SHANK2: variants seen among roughly 807,000 people sequenced by gnomAD.
SHANK2 encodes the protein SH3 and multiple ankyrin repeat domains 2.
SHANK2 carries 43 observed loss-of-function variants against 133.7 expected under a neutral mutation model. The observed-to-expected ratio is 0.32, with a 90% CI of 0.25 to 0.41. The LOEUF (loss-of-function observed/expected upper bound fraction) is 0.41, where lower values mean the gene tolerates loss of function less well. Among genes scored for constraint, SHANK2 ranks in the 10% least tolerant of loss-of-function variants. The probability of loss-of-function intolerance (pLI) is 1.00; values close to 1 mark genes in which losing one functional copy is unlikely to be tolerated. For synonymous variants in SHANK2, 1,017 were observed against 952.8 expected, an observed-to-expected ratio of 1.07 and a Z score of -1.24; for missense variants, 1,994 against 2,235.8, an observed-to-expected ratio of 0.89 and a Z score of 2.18.
chr11:70,733,800 G>C (rs1383486832), intron 14 of SHANK2, among the ~76,000 whole-genome samples: 15 of 152,200 alleles, frequency 9.9e-5, no homozygotes, highest in African/African-American at 3.4e-4. Context: ...GGCCCAAGAA[G>C]AGGGGCAGGC....
intron 17 of SHANK2, among the ~76,000 whole-genome samples, chr11:70,544,453 C>T (rs1439375209): frequency 6.6e-6 from 1 of 152,212 alleles, no homozygotes; most frequent in Non-Finnish European, 1.5e-5. Context: ...CCCTGTGAGA[C>T]CCGGAGCAGC....
chr11:71,226,006 C>T (rs1252430689), intron 1 of SHANK2, among the ~76,000 whole-genome samples: 5 of 152,156 alleles, frequency 3.3e-5, no homozygotes, highest in African/African-American at 1.2e-4. Context: ...CCTGTAATCC[C>T]AGCTACTCAG....
At chr11:70,780,122 T>TA (rs1947450244) in intron 14 of SHANK2, among the ~76,000 whole-genome samples, 1 of 152,202 alleles carries the variant, frequency 6.6e-6, no homozygotes, top group Admixed American at 6.5e-5. Context: ...TCCCTGGGGA[T>TA]ACCATTTGAG....
intron 11 of SHANK2, among the ~76,000 whole-genome samples, chr11:70,839,059 G>A (rs1272963953): frequency 6.6e-5 from 10 of 152,222 alleles, no homozygotes; most frequent in Non-Finnish European, 1.5e-5. Flanking sequence ...TAATTAACAG[G>A]AGGGTTAGTC....
At chr11:70,676,342 G>A (rs980227026) in intron 15 of SHANK2, among the ~76,000 whole-genome samples, 14 of 152,244 alleles carry the variant, frequency 9.2e-5, no homozygotes, top group African/African-American at 3.4e-4. Flanking sequence ...AAGCGGACCC[G>A]AGGTCTGCTG....
At chr11:70,893,347 C>G (rs1949880973) in intron 11 of SHANK2, among the ~76,000 whole-genome samples, 1 of 152,250 alleles carries the variant, frequency 6.6e-6, no homozygotes, top group African/African-American at 2.4e-5. Flanking sequence ...TACCCAGCAC[C>G]TGGCCCCTGC....
Position 71,187,513 on chromosome 11 carries a change from G to C in SHANK2, c.-13+37184C>G, listed in dbSNP as rs190694249. Among the ~76,000 whole-genome samples the C allele has an allele frequency of 4.5e-4, 69 of 152,156 alleles. No individual in the cohort carries two copies. The East Asian group carries it at 8.3e-3, about 18-fold the overall frequency. On this transcript the variant is annotated intron_variant, in intron 2 of 25. Transcript: ENST00000601538. Reference sequence around the variant, plus strand: ...TCAGGACAGTTCATGGGTTTTTCATGTTTTATTCAGGACAGTTCATGGGTT... The same window carrying C: ...TCAGGACAGTTCATGGGTTTTTCATCTTTTATTCAGGACAGTTCATGGGTT...
rs1248714807 is a variant in SHANK2, at chr11:70,804,714, G to A, written c.1663+2288C>T. ...CTATCAAACCCAGGGAGTTGGACAG[G>A]GGAAGGCCCCCCCAGAGCTTCTGGG... On this transcript the variant is annotated intron_variant, in intron 13 of 25. Coordinates refer to ENST00000601538, the MANE Select transcript of SHANK2 (RefSeq NM_012309.5). The surrounding 1 kb of genome is among the most constrained non-coding windows in gnomAD (Gnocchi z 4.1). Among the ~76,000 whole-genome samples, 1 of 152,180 alleles carries A rather than the reference G, an allele frequency of 6.6e-6. No individual in the cohort carries two copies. Among genetic ancestry groups the A allele is most frequent in the Non-Finnish European group, 1.5e-5 (1 of 68,034 alleles).
At chr11:71,223,972 T>TACAA (rs1478381170) in intron 2 of SHANK2, among the ~76,000 whole-genome samples, 1 of 152,186 alleles carries the variant, frequency 6.6e-6, no homozygotes, top group Non-Finnish European at 1.5e-5. Context: ...GTCCCTGGTA[T>TACAA]ACAAGGCCAT....
rs185843687 is a variant in SHANK2, at chr11:71,211,936, C to T, written c.-13+12761G>A. Among the ~76,000 whole-genome samples the T allele has an allele frequency of 2.3e-3, 349 of 152,242 alleles. 1 individual carries two copies. The highest frequency in any genetic ancestry group is 2.5e-3 in the South Asian group (12 of 4,828). On this transcript the variant is annotated intron_variant, in intron 2 of 25. Coordinates refer to ENST00000601538, the MANE Select transcript of SHANK2 (RefSeq NM_012309.5). Reference sequence around the variant, plus strand: ...AATATGAGATGGGAACACACTGGAACGACTCTGGCTTAACGTCCACCTCAA... The same window carrying T: ...AATATGAGATGGGAACACACTGGAATGACTCTGGCTTAACGTCCACCTCAA...
chr11:71,084,533 T>G (rs909833566), intron 8 of SHANK2, among the ~76,000 whole-genome samples: 1 of 152,232 alleles, frequency 6.6e-6, no homozygotes, highest in Non-Finnish European at 1.5e-5. Flanking sequence ...CCCAGAACCC[T>G]GGGACAGGGC....
chr11:70,626,078 G>A (rs2060901357), intron 17 of SHANK2, among the ~76,000 whole-genome samples: 1 of 152,062 alleles, frequency 6.6e-6, no homozygotes, highest in African/African-American at 2.4e-5. Flanking sequence ...CTCCCATCCC[G>A]GCTGAGCATG....
At chr11:70,597,583 G>A (rs577196404) in intron 17 of SHANK2, among the ~76,000 whole-genome samples, 1 of 152,124 alleles carries the variant, frequency 6.6e-6, no homozygotes, top group Non-Finnish European at 1.5e-5. Flanking sequence ...GAAAATACCA[G>A]AGTGATGGGC....
At chr11:70,904,570 C>A (rs2135699583) in intron 10 of SHANK2, among the ~76,000 whole-genome samples, 1 of 148,538 alleles carries the variant, frequency 6.7e-6, no homozygotes, top group South Asian at 2.1e-4. Flanking sequence ...TGCAGTGGTA[C>A]AATCTCAGCT....
At chr11:70,721,836 C>T (rs1946081032) in intron 14 of SHANK2, among the ~76,000 whole-genome samples, 1 of 152,260 alleles carries the variant, frequency 6.6e-6, no homozygotes, top group Non-Finnish European at 1.5e-5. Context: ...GTGTTTTGAG[C>T]ACGGCTTGAA....
intron 15 of SHANK2, chr11:70,662,150 A>AG: frequency 2.9e-6 from 1 of 339,118 alleles, no homozygotes; most frequent in South Asian, 3.0e-5. Context: ...CAGCCAGAGG[A>AG]GAAATGAGGC....
chr11:70,479,067 G>A lies in SHANK2; in HGVS notation c.4980-5628C>T, dbSNP rs1398796059. ...GATTTGCCTGTTGATGGGCAAGGAC[G>A]AGGCACTCCCATTCATCCTTGCCCA... On this transcript the variant is annotated intron_variant, in intron 25 of 25. Coordinates refer to ENST00000601538, the MANE Select transcript of SHANK2 (RefSeq NM_012309.5). The surrounding 1 kb of genome is among the most constrained non-coding windows in gnomAD (Gnocchi z 4.4). 1.3e-5 allele frequency among the ~76,000 whole-genome samples: 2 copies of A among 152,174 alleles called. No homozygotes were observed. Among genetic ancestry groups the A allele is most frequent in the African/African-American group, 2.4e-5 (1 of 41,424 alleles).
chr11:70,942,618 CAG>C (rs1555084585), intron 10 of SHANK2: 6 of 456,874 alleles, frequency 1.3e-5, no homozygotes, highest in Non-Finnish European at 2.2e-5. Flanking sequence ...AGCAGACTAG[CAG>C]AGTGTCATTT....
chr11:70,600,418 C>CAAAAAAAAA (rs56103044), intron 17 of SHANK2, among the ~76,000 whole-genome samples: 3 of 95,464 alleles, frequency 3.1e-5, no homozygotes, highest in Non-Finnish European at 4.1e-5. Context: ...GACTCTGTCT[C>CAAAAAAAAA]AAAAAAAAAA....
Sources: allele counts gnomAD v4.1 joint callset (sites outside exome capture counted in the v4.1 genomes callset), GRCh38; gene constraint gnomAD v4.1.1; non-coding constraint Gnocchi (gnomAD v3.1); transcripts MANE v1.5; gene names NCBI Gene and HGNC (gene_info 2026-07-23, HGNC 2026-07-21).